CDK12: variants seen among roughly 807,000 people sequenced by gnomAD.
CDK12 encodes cyclin-dependent kinase 12.
CDK12 carries 17 observed loss-of-function variants against 133.8 expected under a neutral mutation model. The observed-to-expected ratio is 0.13, with a 90% CI of 0.09 to 0.19. The LOEUF is 0.19. Among genes scored for constraint, CDK12 ranks in the 10% least tolerant of loss-of-function variants. The pLI, the probability that CDK12 is intolerant of heterozygous loss-of-function variation, is 1.00. For synonymous variants in CDK12, 694 were observed against 683.6 expected, an observed-to-expected ratio of 1.02 and a Z score of -0.24; for missense variants, 1,508 against 1,818.7, an observed-to-expected ratio of 0.83 and a Z score of 3.11.
chr17:39,545,053 A>G (rs2055618289), upstream of CDK12, among the ~76,000 whole-genome samples: 1 of 152,168 alleles, frequency 6.6e-6, no homozygotes, highest in Non-Finnish European at 1.5e-5. Flanking sequence ...TTCCAGCTAG[A>G]GCAGGTAACC....
intron 3 of CDK12, among the ~76,000 whole-genome samples, chr17:39,561,770 T>TGCAGCTG (rs1175509340): frequency 2.0e-5 from 3 of 152,030 alleles, no homozygotes; most frequent in Non-Finnish European, 4.4e-5. Flanking sequence ...TTTTCCCCAC[T>TGCAGCTG]CACTTACAGC....
chr17:39,491,756 C>A (rs1194554973), intron 3 of CDK12, among the ~76,000 whole-genome samples: 1 of 145,246 alleles, frequency 6.9e-6, no homozygotes, highest in Admixed American at 7.0e-5. Flanking sequence ...AGGCTGGAGG[C>A]ACCTGCCACC....
intron 2 of CDK12, among the ~76,000 whole-genome samples, chr17:39,476,256 C>G (rs1404857952): frequency 6.6e-6 from 1 of 151,324 alleles, no homozygotes; most frequent in Non-Finnish European, 1.5e-5. Context: ...ACCACAGGCA[C>G]CCGCCACCAC....
intron 9 of CDK12, among the ~76,000 whole-genome samples, chr17:39,516,773 C>T (rs2053837224): frequency 6.6e-6 from 1 of 151,460 alleles, no homozygotes; most frequent in Non-Finnish European, 1.5e-5. Flanking sequence ...AGCCATTCTC[C>T]TGCCTCAGCC....
chr17:39,534,103 CAA>C lies in CDK12; in HGVS notation c.*2789_*2790del, dbSNP rs2055018961. The C allele has an allele frequency of 4.3e-6, 1 of 232,564 alleles. No homozygotes were observed. Among genetic ancestry groups the C allele is most frequent in the Non-Finnish European group, 8.5e-6 (1 of 117,620 alleles). The allele number at this position is 232,564 out of a possible 1,614,324, so 14.4% of individuals were successfully genotyped here. On this transcript the variant is annotated 3_prime_UTR_variant, in exon 14 of 14. Coordinates refer to ENST00000447079, the MANE Select transcript of CDK12 (RefSeq NM_016507.4). ...GTGATCATTTTTGTGGTTTTGAAAA[CAA>C]ATATACTTGACCCAGTTTCCTTAGT...
chr17:39,481,606 A>C (rs1343942293), intron 2 of CDK12, among the ~76,000 whole-genome samples: 2 of 137,984 alleles, frequency 1.4e-5, no homozygotes, highest in Non-Finnish European at 1.5e-5. Context: ...CACTGCGCCC[A>C]GCACTTATGT....
chr17:39,483,133 G>C (rs1043904575), intron 2 of CDK12, among the ~76,000 whole-genome samples: 2 of 151,420 alleles, frequency 1.3e-5, no homozygotes, highest in African/African-American at 4.9e-5. Context: ...GGCTGGTCTC[G>C]AACTCCTGTC....
chr17:39,551,450 C>T (rs915840499), intron 2 of CDK12, among the ~76,000 whole-genome samples: 3 of 152,160 alleles, frequency 2.0e-5, no homozygotes, highest in Non-Finnish European at 4.4e-5. Context: ...ACCTCCTTAA[C>T]CAAGAAGCAA....
At chr17:39,560,938 C>T (rs1410484693) in intron 3 of CDK12, among the ~76,000 whole-genome samples, 1 of 152,066 alleles carries the variant, frequency 6.6e-6, no homozygotes, top group Non-Finnish European at 1.5e-5. Context: ...TCGCCTCCAC[C>T]AGGGGGTGGA....
intron 9 of CDK12, among the ~76,000 whole-genome samples, chr17:39,517,124 A>G (rs2053863300): frequency 6.6e-6 from 1 of 152,138 alleles, no homozygotes; most frequent in Non-Finnish European, 1.5e-5. Flanking sequence ...TGTAATTACT[A>G]CTAACTGAAC....
At chr17:39,534,856 T>C (rs1277507891), downstream of CDK12, 1 of 154,372 alleles carries the variant, frequency 6.5e-6, no homozygotes, top group East Asian at 1.8e-4. Flanking sequence ...TGACTCCTCC[T>C]GACAGGAGAG....
intron 2 of CDK12, among the ~76,000 whole-genome samples, chr17:39,552,189 C>G (rs2055982190): frequency 6.6e-6 from 1 of 152,194 alleles, no homozygotes; most frequent in African/African-American, 2.4e-5. Context: ...GAGAAGAGCT[C>G]TCCTCAGATC....
At chr17:39,557,499 T>C (rs912493801) in intron 3 of CDK12, among the ~76,000 whole-genome samples, 4 of 152,182 alleles carry the variant, frequency 2.6e-5, no homozygotes, top group Admixed American at 1.3e-4. Context: ...TCTTGACCTT[T>C]CATGGAGGGG....
At chr17:39,464,783 C>G (rs1162291864) in intron 1 of CDK12, among the ~76,000 whole-genome samples, 1 of 93,634 alleles carries the variant, frequency 1.1e-5, no homozygotes, top group African/African-American at 2.7e-5. Flanking sequence ...GCCCCGTTCT[C>G]TACAGGAAAA....
At chr17:39,517,082 T>G (rs1217052654) in intron 9 of CDK12, among the ~76,000 whole-genome samples, 1 of 152,232 alleles carries the variant, frequency 6.6e-6, no homozygotes, top group Non-Finnish European at 1.5e-5. Context: ...CAGTTTACCC[T>G]ATAGGGATAC....
intron 2 of CDK12, among the ~76,000 whole-genome samples, chr17:39,554,814 G>C (rs950566948): frequency 6.6e-6 from 1 of 150,984 alleles, no homozygotes; most frequent in African/African-American, 2.4e-5. Flanking sequence ...GGGAGGCAGA[G>C]GTTGCAGTGA....
At chr17:39,485,415 T>C (rs2051042693) in intron 2 of CDK12, among the ~76,000 whole-genome samples, 1 of 142,376 alleles carries the variant, frequency 7.0e-6, no homozygotes, top group South Asian at 2.2e-4. Context: ...CCCCTTTTTT[T>C]TTTTTTTTTT....
At position 39,532,033 on chromosome 17, in the gene CDK12, T is replaced by C. The variant is rs555559183; in HGVS notation, c.*717T>C. ...TAAAGCAGGTTGTAGAACGTGGCAT[T>C]CTTGGGCAAGTAGGTAGACTTTACC... On this transcript the variant is annotated 3_prime_UTR_variant, in exon 14 of 14. Coordinates refer to ENST00000447079, the MANE Select transcript of CDK12 (RefSeq NM_016507.4). The C allele has an allele frequency of 2.0e-4, 46 of 233,750 alleles. 1 individual carries two copies. The highest frequency in any genetic ancestry group is 9.2e-4 in the African/African-American group (42 of 45,442). The allele number at this position is 233,750 out of a possible 1,614,324, so 14.5% of individuals were successfully genotyped here. A position where few individuals can be genotyped will look rare whatever the true frequency, so the allele number is the denominator to read the frequency against.
chr17:39,477,601 C>G (rs2050317148), intron 2 of CDK12, among the ~76,000 whole-genome samples: 1 of 146,078 alleles, frequency 6.8e-6, no homozygotes, highest in Non-Finnish European at 1.5e-5. Flanking sequence ...GAGTCAGAGT[C>G]TTGCTCTGTC....
Sources: allele counts gnomAD v4.1 joint callset (sites outside exome capture counted in the v4.1 genomes callset), GRCh38; gene constraint gnomAD v4.1.1; transcripts MANE v1.5; gene names NCBI Gene and HGNC (gene_info 2026-07-23, HGNC 2026-07-21).